Variants in COL4A2 observed in about 807,000 individuals in gnomAD.
COL4A2 encodes the protein collagen type IV alpha 2 chain, also known as collagen alpha-2(IV) chain.
COL4A2 carries 99 observed loss-of-function variants against 200.2 expected under a neutral mutation model. The ratio of observed to expected loss-of-function variants is 0.49; its 90% CI spans 0.42 to 0.58. COL4A2 has a LOEUF of 0.58. COL4A2 is among the 20% of genes least tolerant of loss of function. The probability of loss-of-function intolerance (pLI) is 0.00; values close to 1 mark genes in which losing one functional copy is unlikely to be tolerated. For synonymous variants in COL4A2, 897 were observed against 900.6 expected (o/e 1.00, Z 0.07); for missense variants, 1,950 against 2,314.1 (o/e 0.84, Z 3.23).
At chr13:110,425,082 G>A (rs1880422584) in intron 6 of COL4A2, 85 bp downstream of exon 6, 10 of 1,524,672 alleles carry the variant, frequency 6.6e-6, no homozygotes, top group Middle Eastern at 3.4e-4. Context: ...CATTTTGAAT[G>A]AGACCTCCTT....
At chr13:110,395,166 G>A (rs537921172) in intron 4 of COL4A2, among the ~76,000 whole-genome samples, 2 of 152,302 alleles carry the variant, frequency 1.3e-5, no homozygotes, top group African/African-American at 2.4e-5. Flanking sequence ...ATGATAATTA[G>A]GTATTGCCAG....
chr13:110,315,401 C>T (rs748944066), intron 3 of COL4A2, among the ~76,000 whole-genome samples: 11 of 152,074 alleles, frequency 7.2e-5, no homozygotes, highest in Non-Finnish European at 1.6e-4. Context: ...TGTTTGTTTT[C>T]GTTTTTGTTT....
chr13:110,408,301 C>G (rs568197830), intron 4 of COL4A2, among the ~76,000 whole-genome samples: 58 of 152,312 alleles, frequency 3.8e-4, no homozygotes, highest in African/African-American at 1.4e-3. Flanking sequence ...AGAAGAGTGT[C>G]AGGCCAGAAA....
chr13:110,355,409 CTGTG>C (rs1400030552), intron 3 of COL4A2, among the ~76,000 whole-genome samples: 5 of 106,142 alleles, frequency 4.7e-5, no homozygotes, highest in Non-Finnish European at 9.2e-5. Context: ...ACTAGCTCAC[CTGTG>C]TGTGTGGGGG....
At chr13:110,332,012 T>C (rs1432244701) in intron 3 of COL4A2, among the ~76,000 whole-genome samples, 1 of 152,248 alleles carries the variant, frequency 6.6e-6, no homozygotes, top group Non-Finnish European at 1.5e-5. Flanking sequence ...ATCAATTTTT[T>C]ATGGTTAGTG....
At chr13:110,468,105 T>C (rs1882320840) in intron 27 of COL4A2, 5 of 469,182 alleles carry the variant, frequency 1.1e-5, no homozygotes, top group African/African-American at 2.0e-5. Flanking sequence ...ACCAGTGTAG[T>C]ATGAACAGCA....
At chr13:110,487,280 C>T (rs1379651613) in intron 34 of COL4A2, among the ~76,000 whole-genome samples, 1 of 152,176 alleles carries the variant, frequency 6.6e-6, no homozygotes, top group East Asian at 1.9e-4. Flanking sequence ...GGTGAAACCC[C>T]GTCTCTACCA....
intron 4 of COL4A2, among the ~76,000 whole-genome samples, chr13:110,413,245 C>T (rs1317447596): frequency 6.6e-6 from 1 of 152,152 alleles, no homozygotes; most frequent in Non-Finnish European, 1.5e-5. Context: ...AATAGCAGTG[C>T]CATAACGCAT....
intron 4 of COL4A2, among the ~76,000 whole-genome samples, chr13:110,388,082 G>A (rs1164493115): frequency 6.6e-6 from 1 of 152,222 alleles, no homozygotes; most frequent in Non-Finnish European, 1.5e-5. Flanking sequence ...ACCTTTAGAG[G>A]GAAACGCCAA....
chr13:110,323,404 T>A (rs1885325926), intron 3 of COL4A2, among the ~76,000 whole-genome samples: 1 of 152,210 alleles, frequency 6.6e-6, no homozygotes, highest in Non-Finnish European at 1.5e-5. Flanking sequence ...GGGCCCCCCC[T>A]GTGGAAGCTG....
At chr13:110,500,734 G>T (rs117987375) in intron 40 of COL4A2, among the ~76,000 whole-genome samples, 5,136 of 152,336 alleles carry the variant, frequency 0.034, 142 homozygotes, top group Non-Finnish European at 0.056. Context: ...TCAATGATCA[G>T]TATATAAGCT....
At chr13:110,357,597 G>C (rs1212046590) in intron 4 of COL4A2, 45 bp downstream of exon 4, 1 of 1,550,848 alleles carries the variant, frequency 6.4e-7, no homozygotes, top group Non-Finnish European at 8.7e-7. Flanking sequence ...TCCTCATACA[G>C]TCATGCCTCG....
intron 32 of COL4A2, 50 bp downstream of exon 32, chr13:110,482,709 C>A: frequency 6.4e-7 from 1 of 1,569,716 alleles, no homozygotes; most frequent in East Asian, 2.3e-5. Flanking sequence ...TGGCATCCTC[C>A]TTACCCTTTC....
chr13:110,363,442 A>G (rs1172471691), intron 4 of COL4A2, among the ~76,000 whole-genome samples: 1 of 152,210 alleles, frequency 6.6e-6, no homozygotes, highest in Non-Finnish European at 1.5e-5. Flanking sequence ...ACTATAAATC[A>G]AAGTAAAAGA....
chr13:110,413,578 G>A (rs941639894), intron 4 of COL4A2, among the ~76,000 whole-genome samples: 1 of 152,212 alleles, frequency 6.6e-6, no homozygotes, highest in Non-Finnish European at 1.5e-5. Flanking sequence ...TGGCCCAACC[G>A]CTAGGCACTC....
At chr13:110,354,010 A>G (rs1023829785) in intron 3 of COL4A2, among the ~76,000 whole-genome samples, 1 of 152,242 alleles carries the variant, frequency 6.6e-6, no homozygotes, top group African/African-American at 2.4e-5. Context: ...ATAACTCACT[A>G]CAACTAAATA....
At chr13:110,416,020 G>A (rs1242697327) in intron 4 of COL4A2, among the ~76,000 whole-genome samples, 1 of 152,264 alleles carries the variant, frequency 6.6e-6, no homozygotes, top group African/African-American at 2.4e-5. Context: ...GAGTGAGGTC[G>A]TAAGTATAGA....
At chr13:110,333,984 G>A (rs546800049) in intron 3 of COL4A2, among the ~76,000 whole-genome samples, 5 of 152,274 alleles carry the variant, frequency 3.3e-5, no homozygotes, top group South Asian at 2.1e-4. Flanking sequence ...TGGTGGGGCC[G>A]GCACCGCCCA....
In COL4A2 at chr13:110,481,908, C is replaced by T. The variant is rs79083857; in HGVS notation, c.2759-608C>T. On this transcript the variant is annotated intron_variant, in intron 31 of 47. Coordinates refer to ENST00000360467, the MANE Select transcript of COL4A2 (RefSeq NM_001846.4). ...GTCCCTCCGTGCTGGAGACACACTGCTCTGTCCCTCCGTGCTGGAGACACA... is the reference window on the plus strand; with the variant it reads ...GTCCCTCCGTGCTGGAGACACACTGTTCTGTCCCTCCGTGCTGGAGACACA... 2.9e-3 allele frequency among the ~76,000 whole-genome samples: 92 copies of T among 32,212 alleles called. 1 individual carries two copies. The highest frequency in any genetic ancestry group is 4.8e-3 in the African/African-American group (25 of 5,250). 21.1% of individuals were successfully genotyped at this position (32,212 alleles called of 152,430 possible).
Sources: allele counts gnomAD v4.1 joint callset (sites outside exome capture counted in the v4.1 genomes callset), GRCh38; gene constraint gnomAD v4.1.1; transcripts MANE v1.5; gene names NCBI Gene and HGNC (gene_info 2026-07-23, HGNC 2026-07-21).